PSPH: variants seen among roughly 807,000 people sequenced by gnomAD.
PSPH encodes phosphoserine phosphatase, also known as L-3-phosphoserine phosphatase.
Under a neutral mutation model 23.4 loss-of-function variants are expected in PSPH, and 16 were observed. The ratio of observed to expected loss-of-function variants is 0.68; its 90% CI spans 0.46 to 1.04. The LOEUF is 1.04. Ranked by LOEUF, PSPH falls within the 50% of genes least tolerant of loss-of-function variation. The pLI, the probability that PSPH is intolerant of heterozygous loss-of-function variation, is 0.00. For missense variants in PSPH, 223 were observed against 273.7 expected (o/e 0.81, Z 1.31); for synonymous variants, 68 against 99.7 (o/e 0.68, Z 1.89).
chr7:56,045,345 TG>T (rs1378108595), intron 1 of PSPH, among the ~76,000 whole-genome samples: 3 of 151,686 alleles, frequency 2.0e-5, no homozygotes, highest in African/African-American at 7.3e-5. Flanking sequence ...AACTTGTCTC[TG>T]CAAAAAAATT....
intron 3 of PSPH, among the ~76,000 whole-genome samples, chr7:56,027,887 T>TAA (rs11445778): frequency 0.012 from 865 of 74,710 alleles, 15 homozygotes; most frequent in African/African-American, 0.026. Flanking sequence ...ATTCTTTCTC[T>TAA]AAAAAAAAAA....
intron 3 of PSPH, among the ~76,000 whole-genome samples, chr7:56,027,551 TAGTC>T (rs1375991015): frequency 2.0e-5 from 3 of 149,044 alleles, no homozygotes; most frequent in African/African-American, 2.5e-5. Context: ...GTACAAAAAT[TAGTC>T]AGGTGCCTGT....
At chr7:56,028,285 G>C (rs1223392669) in intron 3 of PSPH, among the ~76,000 whole-genome samples, 2 of 151,978 alleles carry the variant, frequency 1.3e-5, no homozygotes, top group Admixed American at 6.6e-5. Context: ...AGTGCCAATG[G>C]TATAATCATA....
At chr7:56,030,470 C>A (rs1242491889) in intron 3 of PSPH, among the ~76,000 whole-genome samples, 1 of 152,094 alleles carries the variant, frequency 6.6e-6, no homozygotes, top group South Asian at 2.1e-4. Flanking sequence ...AAAACATGTC[C>A]TTTGCTGCAA....
intron 4 of PSPH, among the ~76,000 whole-genome samples, chr7:56,020,026 G>A (rs1391367952): frequency 1.3e-5 from 2 of 152,116 alleles, no homozygotes; most frequent in Non-Finnish European, 2.9e-5. Flanking sequence ...AGACCAGCCT[G>A]GTCAACATGA....
intron 2 of PSPH, chr7:56,033,614 T>C (rs1321501849): frequency 1.3e-5 from 2 of 152,068 alleles, no homozygotes; most frequent in Non-Finnish European, 2.9e-5. Flanking sequence ...TATAACAATG[T>C]ATCTGGTAAG....
chr7:56,029,776 T>C (rs1790689010), intron 3 of PSPH, among the ~76,000 whole-genome samples: 1 of 152,002 alleles, frequency 6.6e-6, no homozygotes, highest in Non-Finnish European at 1.5e-5. Context: ...AGGTCATGCA[T>C]AGTTGCGAGA....
At chr7:56,048,528 T>C (rs562448795) in intron 1 of PSPH, among the ~76,000 whole-genome samples, 13 of 152,300 alleles carry the variant, frequency 8.5e-5, no homozygotes, top group African/African-American at 3.1e-4. Flanking sequence ...ATGAAATCTA[T>C]AGATTGGATC....
intron 7 of PSPH, among the ~76,000 whole-genome samples, chr7:56,014,001 C>T (rs562469166): frequency 3.9e-5 from 6 of 152,142 alleles, no homozygotes; most frequent in East Asian, 1.9e-4. Flanking sequence ...TGGTGGAATG[C>T]GTCTGTGGTC....
intron 3 of PSPH, among the ~76,000 whole-genome samples, chr7:56,028,048 CAAA>C (rs35662903): frequency 1.7e-5 from 2 of 114,376 alleles, no homozygotes; most frequent in Admixed American, 9.1e-5. Context: ...GACCCTGCCT[CAAA>C]AAAAAAAAAA....
chr7:56,018,338 G>C (rs1229581435), intron 5 of PSPH, among the ~76,000 whole-genome samples: 1 of 149,428 alleles, frequency 6.7e-6, no homozygotes, highest in Non-Finnish European at 1.5e-5. Flanking sequence ...GCGAGACTCT[G>C]TCTCAAAAAA....
At chr7:56,022,965 A>C (rs1789675631) in intron 3 of PSPH, among the ~76,000 whole-genome samples, 1 of 152,112 alleles carries the variant, frequency 6.6e-6, no homozygotes, top group Non-Finnish European at 1.5e-5. Flanking sequence ...AGGCTGAGGC[A>C]GGAGACTCTC....
chr7:56,048,827 A>C (rs1793593166), intron 1 of PSPH, among the ~76,000 whole-genome samples: 1 of 137,780 alleles, frequency 7.3e-6, no homozygotes, highest in Admixed American at 7.8e-5. Flanking sequence ...AAGTTCAGGG[A>C]TATATGTGCA....
rs182411208 is a variant in PSPH, at chr7:56,045,127, C to A, written c.-292+6011G>T. ...GAATCCATACTGATACAAATTCATT[C>A]ATTCAGTCAGTCATTCATGGAGGAG... On this transcript the variant is annotated intron_variant, in intron 1 of 7. Coordinates refer to ENST00000275605, the MANE Select transcript of PSPH (RefSeq NM_004577.4). 7.3e-5 allele frequency among the ~76,000 whole-genome samples: 11 copies of A among 149,946 alleles called. No individual in the cohort carries two copies. The Admixed American group carries it at 7.4e-4, about 10-fold the overall frequency.
intron 1 of PSPH, among the ~76,000 whole-genome samples, chr7:56,042,717 C>T (rs1368956639): frequency 6.6e-6 from 1 of 151,382 alleles, no homozygotes; most frequent in Non-Finnish European, 1.5e-5. Context: ...GGCATGGTGG[C>T]ACATGCCTAT....
intron 7 of PSPH, 42 bp downstream of exon 7, chr7:56,014,981 A>G: frequency 1.3e-6 from 2 of 1,543,994 alleles, no homozygotes; most frequent in Non-Finnish European, 1.7e-6. Flanking sequence ...TAAATAAAAC[A>G]AAAGTACAAC....
chr7:56,014,770 ATTG>A (rs1788363798), intron 7 of PSPH, among the ~76,000 whole-genome samples: 1 of 152,014 alleles, frequency 6.6e-6, no homozygotes, highest in Non-Finnish European at 1.5e-5. Context: ...GTGGCGAAAC[ATTG>A]TCTCTACTAA....
At chr7:56,026,977 G>A (rs527726553) in intron 3 of PSPH, among the ~76,000 whole-genome samples, 89 of 150,334 alleles carry the variant, frequency 5.9e-4, no homozygotes, top group African/African-American at 2.0e-3. Context: ...AGGCTGAAGC[G>A]GGTGGATCAC....
At chr7:56,036,934 G>A (rs1454890637) in intron 1 of PSPH, among the ~76,000 whole-genome samples, 1 of 152,134 alleles carries the variant, frequency 6.6e-6, no homozygotes, top group East Asian at 1.9e-4. Context: ...AGCACTTAGG[G>A]AGGCTGAGGC....
Sources: allele counts gnomAD v4.1 joint callset (sites outside exome capture counted in the v4.1 genomes callset), GRCh38; gene constraint gnomAD v4.1.1; transcripts MANE v1.5; gene names NCBI Gene and HGNC (gene_info 2026-07-23, HGNC 2026-07-21).